GCH1: variants seen among roughly 807,000 people sequenced by gnomAD.
GCH1 encodes the protein GTP cyclohydrolase I.
GCH1 carries 5 observed loss-of-function variants against 25.9 expected under a neutral mutation model. The observed-to-expected ratio is 0.19, with a 90% CI of 0.10 to 0.41. The LOEUF is 0.41. Ranked by LOEUF, GCH1 falls within the 10% of genes least tolerant of loss-of-function variation. The probability of loss-of-function intolerance (pLI) is 1.00; values close to 1 mark genes in which losing one functional copy is unlikely to be tolerated. For synonymous variants in GCH1, 159 were observed against 129.6 expected, an observed-to-expected ratio of 1.23 and a Z score of -1.54; for missense variants, 261 against 336.5, an observed-to-expected ratio of 0.78 and a Z score of 1.75.
At chr14:54,871,040 A>G (rs535743346) in intron 1 of GCH1, among the ~76,000 whole-genome samples, 14 of 152,356 alleles carry the variant, frequency 9.2e-5, no homozygotes, top group South Asian at 8.3e-4. Context: ...GAGAATGGAC[A>G]GACTGCCTCC....
chr14:54,844,728 G>C (rs2039613773), intron 5 of GCH1, among the ~76,000 whole-genome samples: 1 of 152,180 alleles, frequency 6.6e-6, no homozygotes, highest in South Asian at 2.1e-4. Flanking sequence ...CCACACAACA[G>C]CTGCAATTCT....
intron 2 of GCH1, among the ~76,000 whole-genome samples, chr14:54,860,756 GT>G (rs918264175): frequency 6.6e-6 from 1 of 152,048 alleles, no homozygotes; most frequent in Non-Finnish European, 1.5e-5. Flanking sequence ...AGCCAGGATG[GT>G]TTCGATCTCC....
intron 1 of GCH1, among the ~76,000 whole-genome samples, chr14:54,893,648 G>A (rs1046083493): frequency 6.6e-6 from 1 of 152,102 alleles, no homozygotes; most frequent in Non-Finnish European, 1.5e-5. Context: ...ATACAGTCTT[G>A]GGAAAGTTCT....
chr14:54,864,055 T>C (rs2039958245), intron 2 of GCH1, among the ~76,000 whole-genome samples: 1 of 151,940 alleles, frequency 6.6e-6, no homozygotes, highest in Admixed American at 6.6e-5. Context: ...AGAGATGGGG[T>C]CTCACCATGT....
In GCH1 at chr14:54,843,346, T is replaced by A; in HGVS notation, c.*671A>T. 1 of 1,293,372 alleles carries A rather than the reference T, an allele frequency of 7.7e-7. No individual in the cohort carries two copies. The highest frequency in any genetic ancestry group is 9.8e-7 in the Non-Finnish European group (1 of 1,023,762). The allele number at this position is 1,293,372 out of a possible 1,614,324, so 80.1% of individuals were successfully genotyped here. A position where few individuals can be genotyped will look rare whatever the true frequency, so the allele number is the denominator to read the frequency against. On this transcript the variant is annotated 3_prime_UTR_variant, in exon 6 of 6. Coordinates refer to ENST00000491895, the MANE Select transcript of GCH1 (RefSeq NM_000161.3). The stretch of plus-strand genomic sequence containing the variant: ...AAATCCCTGTATGTTGACACGAGAA[T>A]ACACTCGTAAACAACACCAGGAACT...
At chr14:54,880,180 G>A (rs189224386) in intron 1 of GCH1, among the ~76,000 whole-genome samples, 1 of 149,680 alleles carries the variant, frequency 6.7e-6, no homozygotes, top group Non-Finnish European at 1.5e-5. Context: ...TCAGTATAGT[G>A]GTTACCTCTG....
intron 1 of GCH1, among the ~76,000 whole-genome samples, chr14:54,876,072 C>T (rs2040155231): frequency 1.3e-5 from 2 of 152,098 alleles, no homozygotes; most frequent in South Asian, 4.1e-4. Flanking sequence ...GCACTATTCA[C>T]AATAGCAAAG....
intron 1 of GCH1, among the ~76,000 whole-genome samples, chr14:54,889,947 G>A (rs965831989): frequency 6.6e-6 from 1 of 152,182 alleles, no homozygotes; most frequent in African/African-American, 2.4e-5. Flanking sequence ...AAACCTCACA[G>A]CAATGGTGAG....
intron 1 of GCH1, among the ~76,000 whole-genome samples, chr14:54,870,943 G>A (rs2040067129): frequency 6.6e-6 from 1 of 152,204 alleles, no homozygotes; most frequent in African/African-American, 2.4e-5. Flanking sequence ...CCGAACAAAA[G>A]GCAGCAGAAA....
intron 1 of GCH1, among the ~76,000 whole-genome samples, chr14:54,873,351 A>G (rs1268900585): frequency 1.3e-5 from 2 of 152,254 alleles, no homozygotes; most frequent in African/African-American, 4.8e-5. Flanking sequence ...AGCAGTGTGT[A>G]GAGGGAAATT....
chr14:54,866,115 T>TAA (rs778878999), intron 1 of GCH1, among the ~76,000 whole-genome samples: 4 of 139,338 alleles, frequency 2.9e-5, no homozygotes, highest in African/African-American at 1.1e-4. Context: ...CAATAGACAT[T>TAA]AAAAAAAAAA....
chr14:54,880,140 C>CAA (rs58085261), intron 1 of GCH1, among the ~76,000 whole-genome samples: 7 of 141,244 alleles, frequency 5.0e-5, no homozygotes, highest in South Asian at 2.2e-4. Flanking sequence ...GACTCCATCT[C>CAA]AAAAAAAAAA....
Position 54,842,756 on chromosome 14 carries a change from T to C in GCH1, c.*1261A>G, listed in dbSNP as rs899327360. ...CTGTGTTTGTGTTTCTGTGGAGGAG[T>C]TGCGGTTTTGTTTGTTTTAATTTGG... On this transcript the variant is annotated 3_prime_UTR_variant, in exon 6 of 6. Transcript: ENST00000491895. The C allele has an allele frequency of 8.1e-6, 3 of 368,244 alleles. No individual in the cohort carries two copies. Among genetic ancestry groups the C allele is most frequent in the East Asian group, 4.0e-5 (1 of 24,842 alleles). 22.8% of individuals were successfully genotyped at this position (368,244 alleles called of 1,614,324 possible). A position where few individuals can be genotyped will look rare whatever the true frequency, so the allele number is the denominator to read the frequency against.
intron 5 of GCH1, among the ~76,000 whole-genome samples, chr14:54,845,198 AGCTGGGC>A (rs1210156464): frequency 6.6e-6 from 1 of 151,026 alleles, no homozygotes; most frequent in Non-Finnish European, 1.5e-5. Flanking sequence ...ATGGCGATTG[AGCTGGGC>A]GCAGGGGCTC....
At chr14:54,865,642 T>C (rs1192650246) in intron 1 of GCH1, among the ~76,000 whole-genome samples, 1 of 152,172 alleles carries the variant, frequency 6.6e-6, no homozygotes, top group African/African-American at 2.4e-5. Flanking sequence ...GATACAGTGT[T>C]ACATGAAAAA....
chr14:54,890,399 G>A (rs1015896104), intron 1 of GCH1, among the ~76,000 whole-genome samples: 4 of 152,362 alleles, frequency 2.6e-5, no homozygotes, highest in African/African-American at 9.6e-5. Flanking sequence ...TGGGAAGGCT[G>A]AGGCAGGAGA....
chr14:54,883,423 T>C (rs2140103504), intron 1 of GCH1, among the ~76,000 whole-genome samples: 1 of 140,148 alleles, frequency 7.1e-6, no homozygotes, highest in African/African-American at 2.7e-5. Flanking sequence ...CTCACGCCTG[T>C]AATCCCAGCA....
chr14:54,851,772 G>T (rs1243598760), intron 3 of GCH1, among the ~76,000 whole-genome samples: 1 of 152,162 alleles, frequency 6.6e-6, no homozygotes, highest in Non-Finnish European at 1.5e-5. Context: ...TACACTGTTG[G>T]TGGGACTGTA....
rs375123099 is a variant in GCH1 at position 54,843,986 on chromosome 14, C to T, written c.*31G>A. ...CAGACAATGCTACTGGCAGTACGAT[C>T]GGCAACCAACGCACACACACTGAAT... On this transcript the variant is annotated 3_prime_UTR_variant, in exon 6 of 6. Transcript: ENST00000491895. 14 of 1,614,020 alleles carry T rather than the reference C, an allele frequency of 8.7e-6. No individual in the cohort carries two copies. The highest frequency in any genetic ancestry group is 1.6e-4 in the Middle Eastern group (1 of 6,066).
Sources: gnomAD v4.1 joint callset for allele counts (sites outside exome capture counted in the v4.1 genomes callset) on GRCh38, gnomAD v4.1.1 for gene constraint, MANE v1.5 for transcripts, NCBI Gene and HGNC (gene_info 2026-07-23, HGNC 2026-07-21) for gene names.